The following ASTN2 variants were observed in gnomAD, a reference collection of about 807,000 sequenced individuals.
ASTN2 encodes the protein astrotactin 2, also known as astrotactin-2.
Under a neutral mutation model 139.8 loss-of-function variants are expected in ASTN2, and 54 were observed. The ratio of observed to expected loss-of-function variants is 0.39; its 90% confidence interval spans 0.31 to 0.48. ASTN2 has a LOEUF of 0.48. Ranked by LOEUF, ASTN2 falls within the 20% of genes least tolerant of loss-of-function variation. The pLI is 0.95. For missense variants in ASTN2, 1,565 were observed against 1,725.1 expected (o/e 0.91, Z 1.64); for synonymous variants, 756 against 719.5 (o/e 1.05, Z -0.81).
At position 116,720,439 on chromosome 9, in the gene ASTN2, T is replaced by C. The variant is rs531257891; in HGVS notation, c.2806+5332A>G. ...AGGCAGTACACTTGGAAAAGACATG[T>C]TAATTGCATAGCATTCTTTCACTTC... On this transcript the variant is annotated intron_variant, in intron 16 of 22. Transcript: ENST00000313400. Among the ~76,000 whole-genome samples, 7 of 152,328 alleles carry C rather than the reference T, an allele frequency of 4.6e-5. No individual in the cohort carries two copies. The South Asian group carries it at 1.0e-3, about 23-fold the overall frequency.
intron 10 of ASTN2, among the ~76,000 whole-genome samples, chr9:116,960,015 A>G (rs1468791298): frequency 1.3e-5 from 2 of 151,654 alleles, no homozygotes; most frequent in East Asian, 3.9e-4. Context: ...TGCTGCACAG[A>G]GCCGCTGTGA....
intron 10 of ASTN2, among the ~76,000 whole-genome samples, chr9:116,867,231 A>C (rs1443896546): frequency 9.9e-5 from 15 of 152,188 alleles, no homozygotes. Flanking sequence ...AGGCATACTC[A>C]AGGTAAACAG....
chr9:116,429,512 A>G (rs1847428627), intron 22 of ASTN2, among the ~76,000 whole-genome samples: 1 of 152,100 alleles, frequency 6.6e-6, no homozygotes, highest in Admixed American at 6.5e-5. Flanking sequence ...CACCTCATAA[A>G]GTTATAGTGA....
chr9:117,262,003 A>G (rs1833833135), intron 2 of ASTN2, among the ~76,000 whole-genome samples: 1 of 152,224 alleles, frequency 6.6e-6, no homozygotes, highest in South Asian at 2.1e-4. Flanking sequence ...TTAAAAAGGT[A>G]TTATTTCAAT....
At position 116,700,183 on chromosome 9, in the gene ASTN2, G is replaced by T. The variant is rs543534409; in HGVS notation, c.2806+25588C>A. ...TCAGTGGGATCTGCTCCACCTTTCA[G>T]TGACATTTAAGACATCATATTCCCG... On this transcript the variant is annotated intron_variant, in intron 16 of 22. Coordinates refer to ENST00000313400, the MANE Select transcript of ASTN2 (RefSeq NM_001365068.1). 2.2e-4 allele frequency: 46 copies of T among 206,674 alleles called. 1 individual carries two copies. In the South Asian group the frequency reaches 5.0e-3, roughly 22 times the overall value. 12.8% of individuals were successfully genotyped at this position (206,674 alleles called of 1,614,324 possible).
intron 19 of ASTN2, among the ~76,000 whole-genome samples, chr9:116,592,886 C>G (rs1854431853): frequency 6.6e-6 from 1 of 152,196 alleles, no homozygotes; most frequent in African/African-American, 2.4e-5. Flanking sequence ...ATAATGTTGC[C>G]TTCCTTCTCC....
intron 17 of ASTN2, among the ~76,000 whole-genome samples, chr9:116,632,205 A>AAAGAAAAAGAAAGAAAG (rs767242462): frequency 6.6e-5 from 3 of 45,304 alleles, no homozygotes; most frequent in South Asian, 8.0e-4. Context: ...AGAAAGAAAG[A>AAAGAAAAAGAAAGAAAG]AAAGAAAGAA....
At chr9:116,899,900 C>T (rs1032587959) in intron 10 of ASTN2, among the ~76,000 whole-genome samples, 8 of 152,102 alleles carry the variant, frequency 5.3e-5, no homozygotes, top group African/African-American at 1.9e-4. Context: ...TCCAAGCAGA[C>T]CCGTAAAAGT....
rs1167674097 is a variant in ASTN2 at position 116,698,017 on chromosome 9, G to T, written c.2806+27754C>A. On this transcript the variant is annotated intron_variant, in intron 16 of 22. Transcript: ENST00000313400. This position sits in a 1 kb window ranked among gnomAD's most constrained non-coding sequence, Gnocchi z 4.4. ...AAGATCATTGATACAGCTGGGCTCA[G>T]CGAGGCTGTGGGGCTGCTCATGTGT... 6.2e-7 allele frequency: 1 copy of T among 1,613,998 alleles called. No homozygotes were observed. The highest frequency in any genetic ancestry group is 8.5e-7 in the Non-Finnish European group (1 of 1,180,060).
rs1043088540 is a variant in ASTN2, at chr9:117,380,977, C to T, written c.442+33520G>A. ...CAAATGTTTATAGAGGCATTATTCACGATAACCAAAAAGTGGAAGCAATCC... is the reference window on the plus strand; with the variant it reads ...CAAATGTTTATAGAGGCATTATTCATGATAACCAAAAAGTGGAAGCAATCC... On this transcript the variant is annotated intron_variant, in intron 1 of 22. Coordinates refer to ENST00000313400, the MANE Select transcript of ASTN2 (RefSeq NM_001365068.1). Among the ~76,000 whole-genome samples the T allele has an allele frequency of 1.3e-4, 20 of 152,114 alleles. 1 individual carries two copies. The highest frequency in any genetic ancestry group is 5.9e-4 in the Admixed American group (9 of 15,276).
chr9:116,909,555 T>G (rs966987585), intron 10 of ASTN2, among the ~76,000 whole-genome samples: 17 of 152,168 alleles, frequency 1.1e-4, no homozygotes, highest in Admixed American at 1.0e-3. Context: ...GCTGTCCAAA[T>G]GGAGGCATTT....
intron 20 of ASTN2, among the ~76,000 whole-genome samples, chr9:116,474,938 C>T (rs1302241138): frequency 6.6e-6 from 1 of 152,124 alleles, no homozygotes; most frequent in Non-Finnish European, 1.5e-5. Context: ...AAGTGATGGT[C>T]ACAGCCTACT....
chr9:117,148,994 CTTTTT>C (rs938696061), intron 3 of ASTN2, among the ~76,000 whole-genome samples: 1 of 148,288 alleles, frequency 6.7e-6, no homozygotes, highest in Non-Finnish European at 1.5e-5. Flanking sequence ...CAGTTTCTTT[CTTTTT>C]TTTTTAATTT....
At chr9:116,611,731 T>C (rs1040248192) in intron 19 of ASTN2, 11 of 152,154 alleles carry the variant, frequency 7.2e-5, no homozygotes, top group African/African-American at 2.4e-4. Flanking sequence ...AGTAAATCTA[T>C]ATCTATTAAA....
intron 22 of ASTN2, chr9:116,437,255 G>C (rs1007318872): frequency 8.3e-5 from 39 of 469,630 alleles, no homozygotes; most frequent in African/African-American, 6.6e-4. Flanking sequence ...TAGGTGAGGA[G>C]ACTGAGGGCC....
chr9:117,196,480 T>G (rs1831505982), intron 3 of ASTN2, among the ~76,000 whole-genome samples: 1 of 152,168 alleles, frequency 6.6e-6, no homozygotes, highest in Non-Finnish European at 1.5e-5. Context: ...AAGCATTCCA[T>G]TCAGATTTCT....
Position 117,180,979 on chromosome 9 carries a change from TG to T in ASTN2, c.1015+33378del. ...AATGTGAACCCTGGTCACAGTGCCC[TG>T]GGGCTTTCCAAAGGCACCTCGCATG... On this transcript the variant is annotated intron_variant, in intron 3 of 22. Coordinates refer to ENST00000313400, the MANE Select transcript of ASTN2 (RefSeq NM_001365068.1). 7 of 1,597,138 alleles carry T rather than the reference TG, an allele frequency of 4.4e-6. No individual in the cohort carries two copies. In the Admixed American group the frequency reaches 1.2e-4, roughly 27 times the overall value.
At chr9:117,125,829 C>CG (rs11423468) in intron 4 of ASTN2, among the ~76,000 whole-genome samples, 10,773 of 143,328 alleles carry the variant, frequency 0.075, 465 homozygotes, top group Non-Finnish European at 0.093. Flanking sequence ...TTCATTGCGG[C>CG]GGGGGGGGGA....
intron 1 of ASTN2, among the ~76,000 whole-genome samples, chr9:117,309,122 T>C (rs1486748164): frequency 1.3e-5 from 2 of 152,244 alleles, no homozygotes; most frequent in Non-Finnish European, 2.9e-5. Flanking sequence ...TACATGTGTA[T>C]ATGTACACAC....
Sources: gnomAD v4.1 joint callset for allele counts (sites outside exome capture counted in the v4.1 genomes callset) on GRCh38, gnomAD v4.1.1 for gene constraint, Gnocchi (gnomAD v3.1) non-coding constraint, MANE v1.5 for transcripts, NCBI Gene and HGNC (gene_info 2026-07-23, HGNC 2026-07-21) for gene names.